The following CFAP47 variants were observed in gnomAD, a reference collection of about 807,000 sequenced individuals.
CFAP47 encodes the protein cilia and flagella associated protein 47, also known as cilia- and flagella-associated protein 47.
A neutral mutation model predicts 148.1 loss-of-function variants in CFAP47; 29 were observed. That is an observed-to-expected ratio of 0.20 (90% CI 0.15 to 0.27). The LOEUF (loss-of-function observed/expected upper bound fraction) is 0.27, where lower values mean the gene tolerates loss of function less well. CFAP47 is among the 10% of genes least tolerant of loss of function. The pLI, the probability that CFAP47 is intolerant of heterozygous loss-of-function variation, is 1.00. For missense variants in CFAP47, 1,872 were observed against 1,697.5 expected (o/e 1.10, Z -1.81); for synonymous variants, 664 against 577.3 (o/e 1.15, Z -2.15).
At chrX:35,960,329 G>A (rs1415715627) in intron 8 of CFAP47, among the ~76,000 whole-genome samples, 2 of 87,165 alleles carry the variant, frequency 2.3e-5, no homozygotes, top group Non-Finnish European at 4.2e-5. Context: ...TTTGCCTAAT[G>A]TGGGATGCTT....
chrX:36,357,616 C>T (rs1358729592), intron 60 of CFAP47, among the ~76,000 whole-genome samples: 1 of 112,089 alleles, frequency 8.9e-6, no homozygotes, highest in Non-Finnish European at 1.9e-5. Context: ...GTACTATTTA[C>T]ATCAATTGGT....
chrX:35,926,403 T>A (rs1935742694), intron 2 of CFAP47, among the ~76,000 whole-genome samples: 1 of 112,183 alleles, frequency 8.9e-6, no homozygotes, highest in Non-Finnish European at 1.9e-5. Context: ...TGCAAACTTG[T>A]ATTCACATTT....
chrX:35,933,370 C>A (rs923883413), intron 2 of CFAP47, among the ~76,000 whole-genome samples: 7 of 111,305 alleles, frequency 6.3e-5, no homozygotes, highest in African/African-American at 2.0e-4. Context: ...TAATGACCTC[C>A]AGTTACATCT....
chrX:35,973,682 C>A (rs1197211286), intron 13 of CFAP47, among the ~76,000 whole-genome samples: 3 of 111,471 alleles, frequency 2.7e-5, no homozygotes, highest in African/African-American at 9.8e-5. Flanking sequence ...TGAGACCAAA[C>A]TGGGTTTGGT....
chrX:36,307,260 A>C (rs1941358414), intron 55 of CFAP47, among the ~76,000 whole-genome samples: 1 of 111,773 alleles, frequency 8.9e-6, no homozygotes, highest in Non-Finnish European at 1.9e-5. Context: ...ACTGCATTTC[A>C]TCTGAACAGT....
rs1175902318 is a variant in CFAP47 at position 36,079,002 on chromosome X, G to A, written c.4691+5638G>A. Reference sequence around the variant, plus strand: ...TTTTCTTTAAGAATATTGAATATTGGCCCCCACTCTCTTCTGGCTTGTAGG... The same window carrying A: ...TTTTCTTTAAGAATATTGAATATTGACCCCCACTCTCTTCTGGCTTGTAGG... On this transcript the variant is annotated intron_variant, in intron 29 of 63. Transcript: ENST00000378653. 4.5e-5 allele frequency among the ~76,000 whole-genome samples: 5 copies of A among 111,342 alleles called. No homozygotes were observed. The East Asian group carries it at 1.4e-3, about 32-fold the overall frequency.
chrX:36,128,231 T>C (rs753955585), intron 33 of CFAP47, among the ~76,000 whole-genome samples: 46 of 111,130 alleles, frequency 4.1e-4, no homozygotes, highest in Non-Finnish European at 6.6e-4. Context: ...TTAGTGTGAT[T>C]TATATGTGAA....
intron 33 of CFAP47, among the ~76,000 whole-genome samples, chrX:36,131,086 A>G (rs775140643): frequency 9.0e-6 from 1 of 111,205 alleles, no homozygotes; most frequent in Non-Finnish European, 1.9e-5. Context: ...TTGCAACTCA[A>G]TGGATAAATG....
chrX:36,161,262 A>C (rs766112518), intron 39 of CFAP47, among the ~76,000 whole-genome samples: 8 of 111,669 alleles, frequency 7.2e-5, no homozygotes, highest in Non-Finnish European at 1.5e-4. Flanking sequence ...AAAGTAAATC[A>C]GTTTTCCTGA....
At chrX:36,283,683 C>T (rs1412763381) in intron 50 of CFAP47, among the ~76,000 whole-genome samples, 2 of 111,679 alleles carry the variant, frequency 1.8e-5, no homozygotes, top group Non-Finnish European at 3.8e-5. Flanking sequence ...TTGGATTTAC[C>T]AAGCCTCCAC....
rs376884187 is a variant in CFAP47 at position 35,951,895 on chromosome X, C to T, written c.978C>T (p.Ser326=). The T allele has an allele frequency of 2.7e-5, 32 of 1,175,810 alleles. No homozygotes were observed. In the East Asian group the frequency reaches 9.3e-4, roughly 34 times the overall value. Residue 326 remains serine (S), a synonymous_variant, in exon 6 of 64, where the codon TCC becomes TCT. Transcript: ENST00000378653. ...ACATAGATACTACTATCATTATCTC[C>T]TGTCTTCCTAATGAAGGGACTTTAC... The part of the protein sequence containing the change: ...IKNIDTTIII[S]CLPNEGTLQP...
intron 33 of CFAP47, among the ~76,000 whole-genome samples, chrX:36,121,529 C>T (rs1188105765): frequency 9.1e-6 from 1 of 110,170 alleles, no homozygotes; most frequent in African/African-American, 3.3e-5. Context: ...TTTGTGTATC[C>T]ATTGCATGTT....
intron 62 of CFAP47, among the ~76,000 whole-genome samples, chrX:36,377,285 G>GT (rs1248844369): frequency 9.0e-6 from 1 of 111,519 alleles, no homozygotes; most frequent in East Asian, 2.8e-4. Context: ...TCCAGCACCT[G>GT]TTTTTTCCTG....
At chrX:36,201,925 T>G (rs781840934) in intron 44 of CFAP47, among the ~76,000 whole-genome samples, 1 of 109,610 alleles carries the variant, frequency 9.1e-6, no homozygotes, top group African/African-American at 3.5e-5. Context: ...TGGTGTCAGA[T>G]AGCCAGACTG....
intron 61 of CFAP47, among the ~76,000 whole-genome samples, chrX:36,366,172 T>A (rs1371871027): frequency 8.9e-6 from 1 of 111,878 alleles, no homozygotes; most frequent in Non-Finnish European, 1.9e-5. Context: ...ATGTTCTTTC[T>A]GTCACTTTTA....
At chrX:35,966,033 C>T (rs1384982703) in intron 8 of CFAP47, among the ~76,000 whole-genome samples, 1 of 109,197 alleles carries the variant, frequency 9.2e-6, no homozygotes, top group African/African-American at 3.3e-5. Context: ...ATTTTTATTG[C>T]CAGTGTTCTC....
intron 52 of CFAP47, among the ~76,000 whole-genome samples, chrX:36,299,702 A>G (rs1162270599): frequency 9.0e-6 from 1 of 111,719 alleles, no homozygotes; most frequent in Non-Finnish European, 1.9e-5. Flanking sequence ...TAATCATTAT[A>G]CTTTCTGCTT....
chrX:36,308,194 A>T, intron 55 of CFAP47, among the ~76,000 whole-genome samples: 1 of 111,683 alleles, frequency 9.0e-6, no homozygotes, highest in East Asian at 2.8e-4. Context: ...TAAATTCTTT[A>T]TCAAACACAA....
At chrX:36,106,233 A>G (rs1341358560) in intron 33 of CFAP47, among the ~76,000 whole-genome samples, 1 of 112,270 alleles carries the variant, frequency 8.9e-6, no homozygotes, top group East Asian at 2.8e-4. Context: ...TGTCTCTTCC[A>G]GTAGAATGTC....
Sources: allele counts gnomAD v4.1 joint callset (sites outside exome capture counted in the v4.1 genomes callset), GRCh38; gene constraint gnomAD v4.1.1; transcripts MANE v1.5; gene names NCBI Gene and HGNC (gene_info 2026-07-23, HGNC 2026-07-21).